Variants in ASRGL1 observed in about 807,000 individuals in gnomAD.
ASRGL1 encodes isoaspartyl peptidase/L-asparaginase.
Under a neutral mutation model 22.4 loss-of-function variants are expected in ASRGL1, and 16 were observed. That is an observed-to-expected ratio of 0.71 (90% confidence interval 0.48 to 1.08). The LOEUF (loss-of-function observed/expected upper bound fraction) is 1.08, where lower values mean the gene tolerates loss of function less well. Among genes scored for constraint, ASRGL1 ranks in the 50% least tolerant of loss-of-function variants. The pLI, the probability that ASRGL1 is intolerant of heterozygous loss-of-function variation, is 0.00. For synonymous variants in ASRGL1, 165 were observed against 159.3 expected, an observed-to-expected ratio of 1.04 and a Z score of -0.27; for missense variants, 412 against 410.1, an observed-to-expected ratio of 1.00 and a Z score of -0.04.
At chr11:62,384,942 A>C (rs1257967360) in intron 4 of ASRGL1, among the ~76,000 whole-genome samples, 1 of 147,120 alleles carries the variant, frequency 6.8e-6, no homozygotes, top group Non-Finnish European at 1.5e-5. Flanking sequence ...TTCACCTTAT[A>C]TACAGTGAAA....
rs909586303 is a variant in ASRGL1 at position 62,392,748 on chromosome 11, A to G, written c.*464A>G. ...GCAGCAGTAGAAGCAGTGGTGGGCG[A>G]AGCCCAGGTGACCCTCAGAACGTTG... On this transcript the variant is annotated 3_prime_UTR_variant, in exon 7 of 7. Coordinates refer to ENST00000415229, the MANE Select transcript of ASRGL1 (RefSeq NM_001083926.2). 5.5e-6 allele frequency: 1 copy of G among 181,278 alleles called. No homozygotes were observed. The highest frequency in any genetic ancestry group is 5.5e-5 in the Admixed American group (1 of 18,346). 11.2% of individuals were successfully genotyped at this position (181,278 alleles called of 1,614,324 possible).
In ASRGL1 at chr11:62,371,435, G is replaced by A. The variant is rs866350203; in HGVS notation, c.491+14291G>A. The A allele has an allele frequency of 3.4e-5, 20 of 583,598 alleles. No homozygotes were observed. The African/African-American group carries it at 3.5e-4, about 10-fold the overall frequency. 36.2% of individuals were successfully genotyped at this position (583,598 alleles called of 1,614,324 possible). Reference sequence around the variant, plus strand: ...AAGAAGCACGTCAAACTTGAGACGTGCTGTGTTTACTCAAGGTTTAATGGA... The same window carrying A: ...AAGAAGCACGTCAAACTTGAGACGTACTGTGTTTACTCAAGGTTTAATGGA... On this transcript the variant is annotated intron_variant, in intron 4 of 6. Transcript: ENST00000415229.
intron 2 of ASRGL1, among the ~76,000 whole-genome samples, chr11:62,350,023 G>T (rs1024158715): frequency 2.0e-5 from 3 of 152,142 alleles, no homozygotes; most frequent in African/African-American, 7.2e-5. Context: ...TTATCAGCAA[G>T]GTCTTTACGA....
chr11:62,356,974 C>A lies in ASRGL1; in HGVS notation c.334-13C>A. 1 of 1,568,418 alleles carries A rather than the reference C, an allele frequency of 6.4e-7. No individual in the cohort carries two copies. The highest frequency in any genetic ancestry group is 8.6e-7 in the Non-Finnish European group (1 of 1,164,574). ...CAAAAAAACAATCATTTTCTCTTTT[C>A]TTTCTGGCTCAGACACCTCATTGCT... On this transcript the variant is annotated splice_polypyrimidine_tract_variant and intron_variant, in intron 3 of 6. Transcript: ENST00000415229.
At position 62,375,458 on chromosome 11, in the gene ASRGL1, ATATATATATATATATATATATATT is replaced by A. The variant is rs1271526148; in HGVS notation, c.492-13673_492-13650del. Among the ~76,000 whole-genome samples the A allele has an allele frequency of 3.8e-3, 329 of 87,090 alleles. 3 individuals are homozygous for A. The highest frequency in any genetic ancestry group is 5.9e-3 in the Admixed American group (51 of 8,612). The allele number at this position is 87,090 out of a possible 152,430, so 57.1% of individuals were successfully genotyped here. The stretch of plus-strand genomic sequence containing the variant: ...TATATATATATATATATATATATAT[ATATATATATATATATATATATATT>A]TCTTGGAGTAAACATTTTAAATAAA... On this transcript the variant is annotated intron_variant, in intron 4 of 6. Coordinates refer to ENST00000415229, the MANE Select transcript of ASRGL1 (RefSeq NM_001083926.2).
chr11:62,359,814 A>G (rs1030326330), intron 4 of ASRGL1, among the ~76,000 whole-genome samples: 1 of 152,102 alleles, frequency 6.6e-6, no homozygotes. Context: ...TGATGAAAAT[A>G]TTTAAAAGAT....
Position 62,344,498 on chromosome 11 carries a change from C to T in ASRGL1, c.190+6331C>T, listed in dbSNP as rs113609955. 1.6e-3 allele frequency among the ~76,000 whole-genome samples: 247 copies of T among 151,828 alleles called. 1 individual carries two copies. The highest frequency in any genetic ancestry group is 7.4e-3 in the East Asian group (38 of 5,170). On this transcript the variant is annotated intron_variant, in intron 2 of 6. Transcript: ENST00000415229. Reference sequence around the variant, plus strand: ...TATTTGCCTAACCCAGCATTGCAAACATTTTTCTTGTGTTGTCTTCTAGAA... The same window carrying T: ...TATTTGCCTAACCCAGCATTGCAAATATTTTTCTTGTGTTGTCTTCTAGAA...
chr11:62,381,916 C>T (rs997211641), intron 4 of ASRGL1: 3 of 152,844 alleles, frequency 2.0e-5, no homozygotes, highest in African/African-American at 7.2e-5. Flanking sequence ...AAAGCACCCA[C>T]GTTGGGCACC....
intron 4 of ASRGL1, among the ~76,000 whole-genome samples, chr11:62,370,691 A>G (rs927081787): frequency 3.9e-5 from 6 of 152,140 alleles, no homozygotes; most frequent in African/African-American, 1.4e-4. Flanking sequence ...TTGTGGTAGC[A>G]TTGACCTCAA....
At chr11:62,374,984 G>C (rs952296841) in intron 4 of ASRGL1, among the ~76,000 whole-genome samples, 1 of 151,904 alleles carries the variant, frequency 6.6e-6, no homozygotes, top group African/African-American at 2.4e-5. Context: ...CGTGGTCACC[G>C]AGAGGGTTGA....
intron 2 of ASRGL1, among the ~76,000 whole-genome samples, chr11:62,343,731 A>G (rs1252551464): frequency 1.7e-5 from 1 of 60,450 alleles, no homozygotes; most frequent in Non-Finnish European, 5.2e-5. Context: ...CCAGCTCCAC[A>G]AAAAAAAAAA....
At chr11:62,389,033 C>T (rs1947276999) in intron 4 of ASRGL1, 100 bp from the exon 5 acceptor site, 1 of 1,009,846 alleles carries the variant, frequency 9.9e-7, no homozygotes, top group Non-Finnish European at 1.5e-6. Context: ...GCCCCATCAA[C>T]ATATAACATG....
downstream of ASRGL1, among the ~76,000 whole-genome samples, chr11:62,397,431 T>C (rs1947443820): frequency 6.6e-6 from 1 of 152,028 alleles, no homozygotes; most frequent in African/African-American, 2.4e-5. Context: ...TTTGGGAGGC[T>C]GAAGCGGGCA....
intron 2 of ASRGL1, 139 bp from the exon 3 acceptor site, chr11:62,356,186 C>T: frequency 3.1e-6 from 3 of 975,406 alleles, no homozygotes; most frequent in Non-Finnish European, 4.5e-6. Flanking sequence ...CCTCACTTCC[C>T]AGTAGGGGCA....
At chr11:62,353,669 G>A (rs573468658) in intron 2 of ASRGL1, among the ~76,000 whole-genome samples, 3 of 152,174 alleles carry the variant, frequency 2.0e-5, no homozygotes, top group South Asian at 4.2e-4. Flanking sequence ...TTCCTGTCAG[G>A]TAATTCCAAC....
rs773361504 is a variant in ASRGL1, at chr11:62,392,207, C to T, written c.850C>T (p.Pro284Ser). 7 of 1,614,088 alleles carry T rather than the reference C, an allele frequency of 4.3e-6. No homozygotes were observed. The East Asian group carries it at 1.3e-4, about 31-fold the overall frequency. Residue 284 changes from proline to serine, a missense_variant, in exon 7 of 7, where the codon CCC (proline) becomes TCC (serine). Pro to Ser is a moderately conservative substitution (Grantham distance 74, BLOSUM62 -1). Transcript: ENST00000415229. ...WVAKWTSTSM[P>S]WAAAKDGKLH... is the part of the protein sequence containing the mutation. Reference sequence around the variant, plus strand: ...GGCAAAGTGGACCTCCACCTCCATGCCCTGGGCAGCCGCCAAGGACGGCAA... The same window carrying T: ...GGCAAAGTGGACCTCCACCTCCATGTCCTGGGCAGCCGCCAAGGACGGCAA...
At chr11:62,373,015 A>G (rs1565168335) in intron 4 of ASRGL1, 8 of 1,378,958 alleles carry the variant, frequency 5.8e-6, no homozygotes, top group South Asian at 2.3e-5. Context: ...CACAAGCCCA[A>G]GTCTTCCACT....
intron 5 of ASRGL1, 91 bp downstream of exon 5, chr11:62,389,342 G>A (rs766417979): frequency 8.1e-7 from 1 of 1,227,130 alleles, no homozygotes. Flanking sequence ...TCCGTTTCTT[G>A]CTGCGTTCCC....
chr11:62,352,219 C>T (rs1946183163), intron 2 of ASRGL1, among the ~76,000 whole-genome samples: 1 of 152,160 alleles, frequency 6.6e-6, no homozygotes, highest in Non-Finnish European at 1.5e-5. Context: ...AGCTTGCCCA[C>T]TCTCATGGGC....
Sources: gnomAD v4.1 joint callset for allele counts (sites outside exome capture counted in the v4.1 genomes callset) on GRCh38, gnomAD v4.1.1 for gene constraint, MANE v1.5 for transcripts, NCBI Gene and HGNC (gene_info 2026-07-23, HGNC 2026-07-21) for gene names.